Variants in LMF1 observed in about 807,000 individuals in gnomAD.
LMF1 encodes transmembrane protein 112.
In LMF1, 68 loss-of-function variants were observed where a neutral mutation model predicts 60.6. The ratio of observed to expected loss-of-function variants is 1.12; its 90% CI spans 0.92 to 1.37. The LOEUF (loss-of-function observed/expected upper bound fraction) is 1.37, where lower values mean the gene tolerates loss of function less well. Ranked by LOEUF, LMF1 falls within the 40% of genes most tolerant of loss-of-function variation. LMF1 has a pLI of 0.00. For missense variants in LMF1, 948 were observed against 767.2 expected, an observed-to-expected ratio of 1.24 and a Z score of -2.78; for synonymous variants, 418 against 324.7, an observed-to-expected ratio of 1.29 and a Z score of -3.09.
In LMF1 at chr16:854,097, G is replaced by C. The variant is rs1403908519; in HGVS notation, c.*435C>G. 2.2e-6 allele frequency: 1 copy of C among 458,370 alleles called. No individual in the cohort carries two copies. The highest frequency in any genetic ancestry group is 4.4e-6 in the Non-Finnish European group (1 of 229,822). The allele number at this position is 458,370 out of a possible 1,614,324, so 28.4% of individuals were successfully genotyped here. A position where few individuals can be genotyped will look rare whatever the true frequency, so the allele number is the denominator to read the frequency against. ...ACTTGGCTCTGAGGGTCAGGACCTG[G>C]CTGGGAACACACCATTGAAGAGGGA... is the stretch of plus-strand genomic sequence containing the variant. On this transcript the variant is annotated 3_prime_UTR_variant, in exon 11 of 11. Coordinates refer to ENST00000262301, the MANE Select transcript of LMF1 (RefSeq NM_022773.4).
chr16:918,465 A>G (rs972521072), intron 3 of LMF1, among the ~76,000 whole-genome samples: 1 of 152,268 alleles, frequency 6.6e-6, no homozygotes, highest in African/African-American at 2.4e-5. Flanking sequence ...AAGAGTGTTT[A>G]GGATTAATGT....
chr16:882,075 CTCA>C (rs2070177127), intron 5 of LMF1, among the ~76,000 whole-genome samples: 1 of 152,200 alleles, frequency 6.6e-6, no homozygotes, highest in African/African-American at 2.4e-5. Context: ...CTCTCAGAAC[CTCA>C]CCTGGGAAAG....
At chr16:894,854 G>T (rs1166609677) in intron 4 of LMF1, among the ~76,000 whole-genome samples, 1 of 152,218 alleles carries the variant, frequency 6.6e-6, no homozygotes, top group African/African-American at 2.4e-5. Context: ...ATGACACTGG[G>T]CTCAGGGTTT....
chr16:870,214 G>C, intron 8 of LMF1, 148 bp from the exon 9 acceptor site: 3 of 905,882 alleles, frequency 3.3e-6, no homozygotes, highest in Non-Finnish European at 4.9e-6. Flanking sequence ...GGGCTACTGA[G>C]AGGCTGGGTG....
In LMF1 at chr16:911,055, G is replaced by A. The variant is rs535976210; in HGVS notation, c.539C>T (p.Thr180Met). 27 of 1,612,368 alleles carry A rather than the reference G, an allele frequency of 1.7e-5. No homozygotes were observed. Among genetic ancestry groups the A allele is most frequent in the East Asian group, 1.3e-4 (6 of 44,852 alleles). The change falls in exon 4 of 11, where the codon ACG becomes ATG. Residue 180 changes from threonine (T) to methionine (M), a missense_variant. Transcript: ENST00000262301. ...SFGWESQLLE[T>M]GFLGIFLCPL... ...GCACAGGAAGATCCCCAGGAACCCCGTCTCCAGAAGCTGGGACTCCCATCC... is the reference window on the plus strand; with the variant it reads ...GCACAGGAAGATCCCCAGGAACCCCATCTCCAGAAGCTGGGACTCCCATCC...
chr16:939,139 G>T lies in LMF1; in HGVS notation c.504-4885C>A, dbSNP rs551826723. ...AGAGAAACAACAAGAGCAAAACCAA[G>T]AAAAATAACTTGGCAGAGAAATGCG... On this transcript the variant is annotated intron_variant, in intron 2 of 10. Coordinates refer to ENST00000262301, the MANE Select transcript of LMF1 (RefSeq NM_022773.4). 2.4e-3 allele frequency among the ~76,000 whole-genome samples: 363 copies of T among 152,220 alleles called. 1 individual carries two copies. The highest frequency in any genetic ancestry group is 8.4e-3 in the African/African-American group (349 of 41,536).
intron 1 of LMF1, among the ~76,000 whole-genome samples, chr16:969,527 C>T (rs1189035641): frequency 6.6e-6 from 1 of 152,210 alleles, no homozygotes; most frequent in Non-Finnish European, 1.5e-5. Flanking sequence ...TACCAAACTT[C>T]CCGCGACGTG....
chr16:872,231 T>C (rs2069819517), intron 6 of LMF1: 3 of 152,174 alleles, frequency 2.0e-5, no homozygotes, highest in Admixed American at 1.3e-4. Context: ...CGGCAGGACC[T>C]GGGTGTGGCT....
At chr16:868,051 G>C (rs2069662841) in intron 10 of LMF1, among the ~76,000 whole-genome samples, 1 of 152,144 alleles carries the variant, frequency 6.6e-6, no homozygotes, top group Non-Finnish European at 1.5e-5. Context: ...GCGCAGGGGA[G>C]GGGTGGGCAG....
At position 897,737 on chromosome 16, in the gene LMF1, G is replaced by A. The variant is rs1199385738; in HGVS notation, c.664-4665C>T. On this transcript the variant is annotated intron_variant, in intron 4 of 10. Transcript: ENST00000262301. The surrounding 1 kb of genome is among the most constrained non-coding windows in gnomAD (Gnocchi z 4.3). ...GCTCCGTGGGCAGAGGCACTATGGGGTCTATCAAGACCCTCTAGTCTCCAT... is the reference window on the plus strand; with the variant it reads ...GCTCCGTGGGCAGAGGCACTATGGGATCTATCAAGACCCTCTAGTCTCCAT... 6.6e-6 allele frequency among the ~76,000 whole-genome samples: 1 copy of A among 152,176 alleles called. No homozygotes were observed. Among genetic ancestry groups the A allele is most frequent in the Admixed American group, 6.5e-5 (1 of 15,282 alleles).
intron 5 of LMF1, among the ~76,000 whole-genome samples, chr16:881,686 T>C (rs4984954): frequency 0.37 from 55,656 of 152,150 alleles, 16,059 homozygotes; most frequent in African/African-American, 0.79. Flanking sequence ...AGAACCGGAA[T>C]GCCTGGTCTG....
chr16:970,549 G>C (rs1026339151), intron 1 of LMF1, among the ~76,000 whole-genome samples: 18 of 152,152 alleles, frequency 1.2e-4, no homozygotes, highest in Admixed American at 1.2e-3. Flanking sequence ...GGGTGGAACC[G>C]GGAGCCCAGG....
In LMF1 at chr16:874,509, G is replaced by C. The variant is rs2069911029; in HGVS notation, c.898-3168C>G. ...GGCTGATGGCTCCCGTGGGGTGCTG[G>C]CTGGGCGGCCGGGCTCTGCGGTCAC... On this transcript the variant is annotated intron_variant, in intron 6 of 10. Coordinates refer to ENST00000262301, the MANE Select transcript of LMF1 (RefSeq NM_022773.4). The surrounding 1 kb of genome is among the most constrained non-coding windows in gnomAD (Gnocchi z 4.1). Among the ~76,000 whole-genome samples, 1 of 152,198 alleles carries C rather than the reference G, an allele frequency of 6.6e-6. No individual in the cohort carries two copies. Among genetic ancestry groups the C allele is most frequent in the Non-Finnish European group, 1.5e-5 (1 of 68,020 alleles).
At chr16:942,961 T>G (rs8063213) in intron 2 of LMF1, among the ~76,000 whole-genome samples, 73,345 of 152,172 alleles carry the variant, frequency 0.48, 19,509 homozygotes, top group African/African-American at 0.71. Flanking sequence ...TCTCTTAAAA[T>G]TCATTGAGGC....
At chr16:867,917 G>T (rs187947823) in intron 10 of LMF1, among the ~76,000 whole-genome samples, 4 of 152,142 alleles carry the variant, frequency 2.6e-5, no homozygotes, top group Non-Finnish European at 5.9e-5. Context: ...CCCGCCCTCC[G>T]GCTCCTTGGC....
intron 5 of LMF1, among the ~76,000 whole-genome samples, chr16:888,657 G>A (rs1332377315): frequency 3.3e-5 from 5 of 152,244 alleles, no homozygotes; most frequent in African/African-American, 1.2e-4. Flanking sequence ...CCTCCCCACA[G>A]CCTGCTGCAT....
chr16:889,777 A>G (rs532270896), intron 5 of LMF1, among the ~76,000 whole-genome samples: 2 of 152,242 alleles, frequency 1.3e-5, no homozygotes, highest in East Asian at 3.9e-4. Flanking sequence ...GGATTCACGC[A>G]GGGCCCTGGG....
chr16:907,747 C>G (rs1395726592), intron 4 of LMF1, among the ~76,000 whole-genome samples: 1 of 152,188 alleles, frequency 6.6e-6, no homozygotes, highest in African/African-American at 2.4e-5. Context: ...CAGGTGGACA[C>G]TCTGCTGCTG....
chr16:906,494 T>C (rs978125386), intron 4 of LMF1, among the ~76,000 whole-genome samples: 16 of 152,166 alleles, frequency 1.1e-4, no homozygotes, highest in Non-Finnish European at 1.6e-4. Context: ...GCTGGACGCC[T>C]CCTGCCCTCA....
Sources: allele counts gnomAD v4.1 joint callset (sites outside exome capture counted in the v4.1 genomes callset), GRCh38; gene constraint gnomAD v4.1.1; non-coding constraint Gnocchi (gnomAD v3.1); transcripts MANE v1.5; gene names NCBI Gene and HGNC (gene_info 2026-07-23, HGNC 2026-07-21).